Variants in CTNND2 observed in about 807,000 individuals in gnomAD.
The protein encoded by CTNND2 is catenin delta-2.
A neutral mutation model predicts 144.4 loss-of-function variants in CTNND2; 22 were observed. That is an observed-to-expected ratio of 0.15 (90% CI 0.11 to 0.22). The LOEUF is 0.22. Among genes scored for constraint, CTNND2 ranks in the 10% least tolerant of loss-of-function variants. The probability of loss-of-function intolerance (pLI) is 1.00; values close to 1 mark genes in which losing one functional copy is unlikely to be tolerated. For synonymous variants in CTNND2, 751 were observed against 695.6 expected (o/e 1.08, Z -1.25); for missense variants, 1,353 against 1,618.8 (o/e 0.84, Z 2.82).
intron 3 of CTNND2, among the ~76,000 whole-genome samples, chr5:11,460,616 A>G (rs1766116861): frequency 6.6e-6 from 1 of 152,068 alleles, no homozygotes; most frequent in African/African-American, 2.4e-5. Context: ...AGGCTATTCT[A>G]GTCTGGGTGA....
At chr5:11,795,314 T>G (rs1791344726) in intron 1 of CTNND2, among the ~76,000 whole-genome samples, 1 of 152,134 alleles carries the variant, frequency 6.6e-6, no homozygotes, top group African/African-American at 2.4e-5. Flanking sequence ...GTGAGCAAAC[T>G]AGCAGGTGAG....
At chr5:11,119,255 G>A (rs183924992) in intron 12 of CTNND2, among the ~76,000 whole-genome samples, 103 of 152,288 alleles carry the variant, frequency 6.8e-4, no homozygotes, top group Middle Eastern at 6.8e-3. Flanking sequence ...TGAACATGAA[G>A]AGTTTTTTGA....
intron 10 of CTNND2, among the ~76,000 whole-genome samples, chr5:11,230,316 A>G (rs1273956760): frequency 6.6e-6 from 1 of 151,240 alleles, no homozygotes; most frequent in Non-Finnish European, 1.5e-5. Flanking sequence ...ATGTATACAT[A>G]TGTAACTAAC....
In CTNND2 at chr5:10,973,324, G is replaced by A; in HGVS notation, c.*129C>T. On this transcript the variant is annotated 3_prime_UTR_variant, in exon 22 of 22. Transcript: ENST00000304623. This position sits in a 1 kb window ranked among gnomAD's most constrained non-coding sequence, Gnocchi z 5.6. The stretch of plus-strand genomic sequence containing the variant: ...AATAGCTCTTAATATTTCCTTACTG[G>A]TTATCACAGCCTTCCTATGGAACAG... The A allele has an allele frequency of 2.1e-6, 2 of 970,456 alleles. No individual in the cohort carries two copies. The highest frequency in any genetic ancestry group is 4.7e-5 in the South Asian group (2 of 42,244). The allele number at this position is 970,456 out of a possible 1,614,324, so 60.1% of individuals were successfully genotyped here.
chr5:11,551,047 C>G (rs961822686), intron 3 of CTNND2, among the ~76,000 whole-genome samples: 1 of 152,168 alleles, frequency 6.6e-6, no homozygotes, highest in East Asian at 1.9e-4. Context: ...CCCTCTCTAA[C>G]GTGCACTGTG....
At chr5:11,157,470 C>T (rs1010682191) in intron 12 of CTNND2, among the ~76,000 whole-genome samples, 2 of 152,176 alleles carry the variant, frequency 1.3e-5, no homozygotes, top group African/African-American at 4.8e-5. Context: ...CTGGGGCTCA[C>T]CGGCTGAGTG....
Position 11,384,897 on chromosome 5 carries a change from C to T in CTNND2, c.945G>A (p.Ser315=), listed in dbSNP as rs758581617. 9.9e-6 allele frequency: 16 copies of T among 1,609,966 alleles called. No homozygotes were observed. The highest frequency in any genetic ancestry group is 1.4e-5 in the Non-Finnish European group (16 of 1,178,792). ...SRLAKSYSTS[S]PINIVVSSAG... ...CCGAGGACACGACGATGTTGATGGG[C>T]GAGCTGGTGCTGTAGGACTTGGCCA... is the stretch of plus-strand genomic sequence containing the variant. The change falls in exon 7 of 22, where the codon TCG becomes TCA. Residue 315 remains serine, a synonymous_variant. Coordinates refer to ENST00000304623, the MANE Select transcript of CTNND2 (RefSeq NM_001332.4). This position sits in a 1 kb window ranked among gnomAD's most constrained non-coding sequence, Gnocchi z 5.2.
At chr5:10,994,671 G>T (rs1202895262) in intron 18 of CTNND2, among the ~76,000 whole-genome samples, 2 of 152,136 alleles carry the variant, frequency 1.3e-5, no homozygotes, top group African/African-American at 2.4e-5. Flanking sequence ...GAAGGCCCTG[G>T]GTGGGAACGG....
intron 1 of CTNND2, among the ~76,000 whole-genome samples, chr5:11,896,282 G>A (rs1737386872): frequency 6.6e-6 from 1 of 152,104 alleles, no homozygotes. Context: ...TAACTAAACA[G>A]AATATGAGCA....
At chr5:11,888,415 T>G (rs1240078847) in intron 1 of CTNND2, among the ~76,000 whole-genome samples, 1 of 152,120 alleles carries the variant, frequency 6.6e-6, no homozygotes, top group Non-Finnish European at 1.5e-5. Context: ...TTAAGCTAAT[T>G]CTTTCCAGCC....
intron 1 of CTNND2, among the ~76,000 whole-genome samples, chr5:11,836,174 G>A (rs940417345): frequency 4.6e-5 from 7 of 152,064 alleles, no homozygotes; most frequent in African/African-American, 7.3e-5. Flanking sequence ...GTTGGGCCAC[G>A]TCAAGAACAG....
At chr5:11,410,649 G>A (rs914284481) in intron 5 of CTNND2, among the ~76,000 whole-genome samples, 4 of 152,000 alleles carry the variant, frequency 2.6e-5, no homozygotes, top group Non-Finnish European at 4.4e-5. Flanking sequence ...TGAAAAATAC[G>A]TCATTAAATG....
At chr5:11,763,473 A>G (rs1789396290) in intron 1 of CTNND2, among the ~76,000 whole-genome samples, 1 of 152,158 alleles carries the variant, frequency 6.6e-6, no homozygotes, top group Non-Finnish European at 1.5e-5. Context: ...TGCACAGGTT[A>G]TTTGGCTTAT....
At chr5:11,394,309 C>T (rs1759880674) in intron 6 of CTNND2, among the ~76,000 whole-genome samples, 1 of 152,202 alleles carries the variant, frequency 6.6e-6, no homozygotes, top group South Asian at 2.1e-4. Context: ...ATCCCAAGCA[C>T]ATGGGCTCAT....
intron 9 of CTNND2, among the ~76,000 whole-genome samples, chr5:11,311,899 CCACA>C (rs771556246): frequency 3.5e-4 from 35 of 101,074 alleles, no homozygotes; most frequent in East Asian, 2.6e-3. Context: ...ATACACACGC[CCACA>C]CACACTCCAC....
At chr5:11,611,109 G>A (rs1780300832) in intron 2 of CTNND2, among the ~76,000 whole-genome samples, 1 of 152,228 alleles carries the variant, frequency 6.6e-6, no homozygotes, top group East Asian at 1.9e-4. Flanking sequence ...TCATGATAGT[G>A]AGTGAGTTCT....
At chr5:11,094,018 T>A (rs1751050682) in intron 15 of CTNND2, among the ~76,000 whole-genome samples, 1 of 152,212 alleles carries the variant, frequency 6.6e-6, no homozygotes, top group Admixed American at 6.5e-5. Flanking sequence ...CAAAAGATGA[T>A]GATAATGTGA....
rs190700081 is a variant in CTNND2 at position 11,739,422 on chromosome 5, C to T, written c.38-7150G>A. 4.6e-5 allele frequency among the ~76,000 whole-genome samples: 7 copies of T among 152,258 alleles called. No homozygotes were observed. In the East Asian group the frequency reaches 1.4e-3, roughly 29 times the overall value. On this transcript the variant is annotated intron_variant, in intron 1 of 21. Transcript: ENST00000304623. The stretch of plus-strand genomic sequence containing the variant: ...GAATGTGGGTGGAACAGACTTGGGG[C>T]AGGGAAAGGCAACCTTGCCTGCAAA...
At chr5:11,621,105 C>A (rs926102047) in intron 2 of CTNND2, among the ~76,000 whole-genome samples, 6 of 152,174 alleles carry the variant, frequency 3.9e-5, no homozygotes, top group Non-Finnish European at 7.3e-5. Context: ...TGTGTACACA[C>A]ACACACATGC....
Sources: allele counts gnomAD v4.1 joint callset (sites outside exome capture counted in the v4.1 genomes callset), GRCh38; gene constraint gnomAD v4.1.1; non-coding constraint Gnocchi (gnomAD v3.1); transcripts MANE v1.5; gene names NCBI Gene and HGNC (gene_info 2026-07-23, HGNC 2026-07-21).